FREM1: variants seen among roughly 807,000 people sequenced by gnomAD.
FREM1 encodes the protein FRAS1-related extracellular matrix protein 1.
In FREM1, 220 loss-of-function variants were observed where a neutral mutation model predicts 210.1. The observed-to-expected ratio is 1.05, with a 90% CI of 0.94 to 1.17. The LOEUF is 1.17. Ranked by LOEUF, FREM1 falls within the 50% of genes most tolerant of loss-of-function variation. FREM1 has a pLI of 0.00. For synonymous variants in FREM1, 1,189 were observed against 980.2 expected (o/e 1.21, Z -3.98); for missense variants, 3,454 against 2,675.5 (o/e 1.29, Z -6.42).
In FREM1 at chr9:14,801,892, A is replaced by C. The variant is rs972283396; in HGVS notation, c.3472-18T>G. ...TCACACACCTGAGCAAGAACACATG[A>C]GAAAAGTCAACAATGCATAAAAGAC... On this transcript the variant is annotated intron_variant, in intron 19 of 36. Coordinates refer to ENST00000380880, the MANE Select transcript of FREM1 (RefSeq NM_001379081.2). 1 of 1,569,716 alleles carries C rather than the reference A, an allele frequency of 6.4e-7. No individual in the cohort carries two copies. Among genetic ancestry groups the C allele is most frequent in the African/African-American group, 1.4e-5 (1 of 73,680 alleles).
At chr9:14,851,224 G>T in intron 6 of FREM1, 60 bp downstream of exon 6, 1 of 1,236,306 alleles carries the variant, frequency 8.1e-7, no homozygotes, top group Non-Finnish European at 1.1e-6. Context: ...TTAGGGTAGG[G>T]GGTTCTTAAA....
chr9:14,861,924 C>T (rs1023959873), intron 3 of FREM1, among the ~76,000 whole-genome samples: 4 of 152,142 alleles, frequency 2.6e-5, no homozygotes, highest in Admixed American at 2.0e-4. Flanking sequence ...TAGGTCTTAC[C>T]CATTCTAACT....
At chr9:14,827,353 C>T (rs1588209060) in intron 10 of FREM1, among the ~76,000 whole-genome samples, 1 of 152,136 alleles carries the variant, frequency 6.6e-6, no homozygotes, top group Admixed American at 6.5e-5. Flanking sequence ...CTAAATGGTG[C>T]CTGTGTTCTA....
intron 29 of FREM1, 54 bp downstream of exon 29, chr9:14,756,320 C>CAA (rs57793294): frequency 0.011 from 13,451 of 1,172,244 alleles, 2 homozygotes; most frequent in Non-Finnish European, 0.013. Flanking sequence ...GACATGCCTA[C>CAA]AAAAAAAAAC....
chr9:14,908,065 T>C (rs918118054), intron 1 of FREM1, among the ~76,000 whole-genome samples: 3 of 152,084 alleles, frequency 2.0e-5, no homozygotes, highest in Non-Finnish European at 2.9e-5. Flanking sequence ...ATGTTTGGAA[T>C]GAGGAAAGAA....
intron 1 of FREM1, among the ~76,000 whole-genome samples, chr9:14,872,768 C>T (rs1186338424): frequency 1.3e-5 from 2 of 151,506 alleles, no homozygotes; most frequent in Non-Finnish European, 2.9e-5. Context: ...GGAATGCTTC[C>T]AGTTTTTGCC....
chr9:14,860,882 TACAC>T (rs1204069422), intron 3 of FREM1, among the ~76,000 whole-genome samples: 27 of 82,800 alleles, frequency 3.3e-4, no homozygotes, highest in African/African-American at 1.6e-3. Flanking sequence ...TACGTATATA[TACAC>T]ATATATACAT....
chr9:14,868,389 A>G (rs1831944313), intron 2 of FREM1, among the ~76,000 whole-genome samples: 1 of 152,160 alleles, frequency 6.6e-6, no homozygotes, highest in Non-Finnish European at 1.5e-5. Flanking sequence ...GAGAAATTGG[A>G]AAGACTTACT....
rs939205675 is a variant in FREM1, at chr9:14,776,097, G to C, written c.4549C>G (p.Leu1517Val). The change falls in exon 25 of 37, where the codon CTG becomes GTG. Residue 1517 changes from leucine (L) to valine (V), a missense_variant. Transcript: ENST00000380880. Reference protein sequence around the residue: ...PVVTRNKGLRLAQGAVGLLSP... With the variant: ...PVVTRNKGLRVAQGAVGLLSP... ...AGCAGGCCCACGGCCCCTTGGGCCA[G>C]TCTCAACCCCTTGTTCCTGGTTACC... The C allele has an allele frequency of 3.7e-6, 6 of 1,608,336 alleles. No individual in the cohort carries two copies. Among genetic ancestry groups the C allele is most frequent in the Non-Finnish European group, 5.1e-6 (6 of 1,176,172 alleles).
intron 1 of FREM1, among the ~76,000 whole-genome samples, chr9:14,901,130 A>C (rs1838712642): frequency 6.6e-6 from 1 of 152,206 alleles, no homozygotes; most frequent in Admixed American, 6.5e-5. Context: ...AAAGTTTTTC[A>C]TGCTTGTTTT....
Position 14,819,123 on chromosome 9 carries a change from T to C in FREM1, c.2546+111A>G, listed in dbSNP as rs1361481591. ...GACCCGTTGAGTGTGTTAAGTGGCA[T>C]GTTGGTATCCTTTAAGAAATTGGAC... is the stretch of plus-strand genomic sequence containing the variant. On this transcript the variant is annotated intron_variant, in intron 14 of 36. Coordinates refer to ENST00000380880, the MANE Select transcript of FREM1 (RefSeq NM_001379081.2). 4.5e-6 allele frequency: 3 copies of C among 663,702 alleles called. No individual in the cohort carries two copies. In the African/African-American group the frequency reaches 5.4e-5, roughly 12 times the overall value. 41.1% of individuals were successfully genotyped at this position (663,702 alleles called of 1,614,324 possible). A position where few individuals can be genotyped will look rare whatever the true frequency, so the allele number is the denominator to read the frequency against.
intron 14 of FREM1, 24 bp downstream of exon 14, chr9:14,819,209 TA>T (rs774877593): frequency 3.9e-6 from 6 of 1,528,962 alleles, no homozygotes; most frequent in Non-Finnish European, 5.3e-6. Context: ...AGCATGTAAA[TA>T]AAAAAACCAT....
intron 5 of FREM1, 77 bp downstream of exon 5, chr9:14,857,476 C>A (rs973918341): frequency 2.4e-6 from 3 of 1,226,584 alleles, no homozygotes; most frequent in Non-Finnish European, 3.6e-6. Context: ...GGCATGGGGG[C>A]GAGCATGAGT....
chr9:14,884,618 A>G (rs1176397703), intron 1 of FREM1, among the ~76,000 whole-genome samples: 1 of 152,176 alleles, frequency 6.6e-6, no homozygotes, highest in African/African-American at 2.4e-5. Context: ...TTATTTCATA[A>G]TTACACATTC....
chr9:14,859,932 T>C (rs1829499155), intron 3 of FREM1, among the ~76,000 whole-genome samples: 1 of 152,182 alleles, frequency 6.6e-6, no homozygotes. Flanking sequence ...GCAGCCTAGT[T>C]TGGGTGCCCA....
At chr9:14,812,778 G>A (rs766533974) in intron 16 of FREM1, 34 bp downstream of exon 16, 5 of 1,569,030 alleles carry the variant, frequency 3.2e-6, no homozygotes, top group East Asian at 2.2e-5. Context: ...CATGTTGCTT[G>A]CATTCCCTCA....
chr9:14,740,753 C>T (rs2131879697), intron 35 of FREM1, among the ~76,000 whole-genome samples: 1 of 152,092 alleles, frequency 6.6e-6, no homozygotes, highest in East Asian at 1.9e-4. Flanking sequence ...ATGAGTATAG[C>T]CCCAACTGTC....
intron 25 of FREM1, among the ~76,000 whole-genome samples, chr9:14,775,040 G>C (rs10961699): frequency 1.3e-5 from 2 of 152,208 alleles, no homozygotes; most frequent in African/African-American, 2.4e-5. Flanking sequence ...ATGTGTAATA[G>C]TGTAAAGATG....
At chr9:14,879,845 A>G (rs1834470193) in intron 1 of FREM1, among the ~76,000 whole-genome samples, 1 of 152,172 alleles carries the variant, frequency 6.6e-6, no homozygotes, top group African/African-American at 2.4e-5. Flanking sequence ...AAAAATATGG[A>G]CAGACAAGCA....
Sources: gnomAD v4.1 joint callset for allele counts (sites outside exome capture counted in the v4.1 genomes callset) on GRCh38, gnomAD v4.1.1 for gene constraint, MANE v1.5 for transcripts, NCBI Gene and HGNC (gene_info 2026-07-23, HGNC 2026-07-21) for gene names.